GRID2: variants seen among roughly 807,000 people sequenced by gnomAD.
GRID2 encodes glutamate ionotropic receptor delta type subunit 2.
In GRID2, 33 loss-of-function variants were observed where a neutral mutation model predicts 114.8. That is an observed-to-expected ratio of 0.29 (90% CI 0.22 to 0.38). GRID2 has a LOEUF of 0.38. Among genes scored for constraint, GRID2 ranks in the 10% least tolerant of loss-of-function variants. The pLI is 1.00. For missense variants in GRID2, 1,184 were observed against 1,257.7 expected, an observed-to-expected ratio of 0.94 and a Z score of 0.89; for synonymous variants, 505 against 449.9, an observed-to-expected ratio of 1.12 and a Z score of -1.55.
intron 13 of GRID2, among the ~76,000 whole-genome samples, chr4:93,570,605 G>C (rs144104712): frequency 2.8e-4 from 42 of 152,238 alleles, no homozygotes; most frequent in African/African-American, 1.0e-3. Flanking sequence ...TAATTACCCT[G>C]ATCTAATCAC....
rs1338832707 is a variant in GRID2 at position 93,681,505 on chromosome 4, C to T, written c.2360+55070C>T. On this transcript the variant is annotated intron_variant, in intron 14 of 15. Coordinates refer to ENST00000282020, the MANE Select transcript of GRID2 (RefSeq NM_001510.4). ...TAAGCCAAAAGAACAAAGCTGGAGG[C>T]ATCATGCTACCTGACTTCAAACTAT... Among the ~76,000 whole-genome samples, 7 of 151,588 alleles carry T rather than the reference C, an allele frequency of 4.6e-5. 1 individual carries two copies. The highest frequency in any genetic ancestry group is 1.0e-4 in the Non-Finnish European group (7 of 67,920).
At chr4:92,412,512 C>G (rs1731389221) in intron 1 of GRID2, among the ~76,000 whole-genome samples, 2 of 151,640 alleles carry the variant, frequency 1.3e-5, no homozygotes, top group Admixed American at 1.3e-4. Context: ...TTATATTTTT[C>G]CCTCTTCTTT....
At chr4:93,332,295 T>TGAGAGAGAGAGAGAGAGAGAGAGAGAGA (rs1353456848) in intron 8 of GRID2, among the ~76,000 whole-genome samples, 27 of 128,920 alleles carry the variant, frequency 2.1e-4, no homozygotes, top group African/African-American at 8.5e-4. Context: ...TGTGTGTGTG[T>TGAGAGAGAGAGAGAGAGAGAGAGAGAGA]GTGTGAGAGA....
intron 2 of GRID2, among the ~76,000 whole-genome samples, chr4:92,761,175 T>G (rs543207335): frequency 1.6e-4 from 25 of 152,136 alleles, no homozygotes; most frequent in Admixed American, 7.2e-4. Flanking sequence ...CTAGAACATA[T>G]CCATGCTTAA....
chr4:92,754,940 C>T (rs1192531147), intron 2 of GRID2, among the ~76,000 whole-genome samples: 4 of 152,146 alleles, frequency 2.6e-5, no homozygotes, highest in Non-Finnish European at 5.9e-5. Flanking sequence ...GTTAGCATCA[C>T]TTCTACTATT....
intron 1 of GRID2, among the ~76,000 whole-genome samples, chr4:92,585,632 G>T (rs187994598): frequency 6.6e-6 from 1 of 151,774 alleles, no homozygotes; most frequent in Admixed American, 6.6e-5. Flanking sequence ...AATTCTATTC[G>T]CTGTGGAAAA....
chr4:92,989,525 T>TA (rs961560549), intron 2 of GRID2, among the ~76,000 whole-genome samples: 14 of 151,260 alleles, frequency 9.3e-5, no homozygotes, highest in South Asian at 2.1e-4. Flanking sequence ...TGCATCCCAA[T>TA]AAAAAAAAGG....
chr4:93,266,216 T>G (rs1750812283), intron 8 of GRID2, among the ~76,000 whole-genome samples: 1 of 152,128 alleles, frequency 6.6e-6, no homozygotes, highest in African/African-American at 2.4e-5. Flanking sequence ...CAGAAATTAT[T>G]TTTTTTCTCA....
At chr4:93,606,539 C>T (rs115920033) in intron 13 of GRID2, among the ~76,000 whole-genome samples, 1 of 152,060 alleles carries the variant, frequency 6.6e-6, no homozygotes, top group African/African-American at 2.4e-5. Flanking sequence ...AACTTTCTCC[C>T]TAGTATTTTT....
intron 1 of GRID2, among the ~76,000 whole-genome samples, chr4:92,532,053 A>C (rs1249325095): frequency 6.6e-6 from 1 of 152,168 alleles, no homozygotes; most frequent in Admixed American, 6.6e-5. Flanking sequence ...TCCCTCAAAT[A>C]GAGTTGTGGT....
At chr4:93,474,119 T>C (rs1725094417) in intron 11 of GRID2, among the ~76,000 whole-genome samples, 6 of 152,110 alleles carry the variant, frequency 3.9e-5, no homozygotes, top group Admixed American at 3.9e-4. Context: ...ATAATTCCAA[T>C]ACTGGGTGCT....
intron 1 of GRID2, among the ~76,000 whole-genome samples, chr4:92,540,334 G>T (rs1268372030): frequency 1.3e-5 from 2 of 152,076 alleles, no homozygotes; most frequent in Non-Finnish European, 2.9e-5. Flanking sequence ...CACAGCAAAA[G>T]AAACTACCAT....
At chr4:93,091,816 C>T (rs961600193) in intron 3 of GRID2, among the ~76,000 whole-genome samples, 6 of 152,074 alleles carry the variant, frequency 3.9e-5, no homozygotes, top group Non-Finnish European at 8.8e-5. Flanking sequence ...CAAGAAACTC[C>T]AGGAGACTGA....
chr4:92,389,444 A>C (rs1730140397), intron 1 of GRID2, among the ~76,000 whole-genome samples: 1 of 152,118 alleles, frequency 6.6e-6, no homozygotes, highest in Admixed American at 6.6e-5. Context: ...TTCTGAAAGG[A>C]AATAATACTC....
chr4:92,463,342 A>C (rs1223777466), intron 1 of GRID2, among the ~76,000 whole-genome samples: 3 of 151,922 alleles, frequency 2.0e-5, no homozygotes, highest in Non-Finnish European at 4.4e-5. Context: ...TTAATTATAA[A>C]ACCACTCCTC....
At chr4:93,207,631 A>C (rs1310563542) in intron 5 of GRID2, among the ~76,000 whole-genome samples, 174 bp downstream of exon 5, 1 of 152,026 alleles carries the variant, frequency 6.6e-6, no homozygotes, top group African/African-American at 2.4e-5. Flanking sequence ...AAAATGATAA[A>C]GGGTTTTATA....
At chr4:93,530,109 C>G (rs1254364904) in intron 13 of GRID2, among the ~76,000 whole-genome samples, 1 of 152,082 alleles carries the variant, frequency 6.6e-6, no homozygotes, top group African/African-American at 2.4e-5. Context: ...TTTATTCTCT[C>G]CTTTCACTTT....
intron 8 of GRID2, among the ~76,000 whole-genome samples, chr4:93,280,659 G>A (rs1175066690): frequency 6.6e-6 from 1 of 151,870 alleles, no homozygotes; most frequent in East Asian, 1.9e-4. Flanking sequence ...GCTTAAATGA[G>A]GGAGGAGGAT....
In GRID2 at chr4:93,335,694, C is replaced by CTTTTTTTTTTTTTTTTTTT. The variant is rs55823712; in HGVS notation, c.1246-59901_1246-59900insTTTTTTTTTTTTTTTTTTT. Among the ~76,000 whole-genome samples, 8 of 141,726 alleles carry CTTTTTTTTTTTTTTTTTTT rather than the reference C, an allele frequency of 5.6e-5. 1 individual carries two copies. The highest frequency in any genetic ancestry group is 2.2e-4 in the African/African-American group (8 of 37,188). 93.0% of individuals were successfully genotyped at this position (141,726 alleles called of 152,430 possible). On this transcript the variant is annotated intron_variant, in intron 8 of 15. Coordinates refer to ENST00000282020, the MANE Select transcript of GRID2 (RefSeq NM_001510.4). ...TTCTCTCTCTCTTTCTTTCTTCTTT[C>CTTTTTTTTTTTTTTTTTTT]TTTTTTTTTTTTGAGACAGGGTCTC...
Sources: gnomAD v4.1 joint callset for allele counts (sites outside exome capture counted in the v4.1 genomes callset) on GRCh38, gnomAD v4.1.1 for gene constraint, MANE v1.5 for transcripts, NCBI Gene and HGNC (gene_info 2026-07-23, HGNC 2026-07-21) for gene names.